PRKD1: variants seen among roughly 807,000 people sequenced by gnomAD.
The protein encoded by PRKD1 is serine/threonine-protein kinase D1.
PRKD1 carries 63 observed loss-of-function variants against 95.9 expected under a neutral mutation model. That is an observed-to-expected ratio of 0.66 (90% CI 0.54 to 0.81). PRKD1 has a LOEUF of 0.81. Ranked by LOEUF, PRKD1 falls within the 30% of genes least tolerant of loss-of-function variation. The pLI is 0.00. For missense variants in PRKD1, 1,048 were observed against 1,165.3 expected, an observed-to-expected ratio of 0.90 and a Z score of 1.47; for synonymous variants, 425 against 423.1, an observed-to-expected ratio of 1.00 and a Z score of -0.05.
intron 1 of PRKD1, among the ~76,000 whole-genome samples, chr14:29,772,109 GC>G (rs1038414885): frequency 9.2e-5 from 14 of 152,192 alleles, no homozygotes; most frequent in African/African-American, 4.8e-5. Flanking sequence ...GTGAGTTAAT[GC>G]TTAAACAAGG....
intron 1 of PRKD1, among the ~76,000 whole-genome samples, chr14:29,766,593 A>C (rs1176817723): frequency 2.0e-5 from 3 of 152,196 alleles, no homozygotes; most frequent in Admixed American, 1.3e-4. Context: ...TCAGCAGCAG[A>C]AGAAGCACTA....
chr14:29,592,247 A>G (rs778755733), intron 16 of PRKD1, among the ~76,000 whole-genome samples: 1 of 151,690 alleles, frequency 6.6e-6, no homozygotes, highest in Non-Finnish European at 1.5e-5. Flanking sequence ...GGTAGAACAT[A>G]CAACACTGCC....
chr14:29,783,651 G>T (rs188539986), intron 1 of PRKD1, among the ~76,000 whole-genome samples: 2 of 151,948 alleles, frequency 1.3e-5, no homozygotes, highest in East Asian at 3.9e-4. Flanking sequence ...CCATTTCCTT[G>T]CCAGCACGCT....
At chr14:29,863,006 G>A (rs1892763062) in intron 1 of PRKD1, among the ~76,000 whole-genome samples, 1 of 152,058 alleles carries the variant, frequency 6.6e-6, no homozygotes, top group African/African-American at 2.4e-5. Flanking sequence ...AATTAGCTTT[G>A]ACTTTGATAA....
intron 2 of PRKD1, among the ~76,000 whole-genome samples, chr14:29,675,780 C>T (rs1883131224): frequency 6.6e-6 from 1 of 151,946 alleles, no homozygotes; most frequent in African/African-American, 2.4e-5. Context: ...ACATATACAC[C>T]ATGGAATACT....
At chr14:29,752,666 C>T (rs1388927286) in intron 1 of PRKD1, among the ~76,000 whole-genome samples, 1 of 151,800 alleles carries the variant, frequency 6.6e-6, no homozygotes, top group African/African-American at 2.4e-5. Flanking sequence ...TTTTTAAGAA[C>T]CCATGAGGGC....
rs45445896 is a variant in PRKD1 at position 29,722,367 on chromosome 14, C to G, written c.403+3169G>C. 9.5e-3 allele frequency among the ~76,000 whole-genome samples: 1,454 copies of G among 152,274 alleles called. 29 individuals carry two copies. The highest frequency in any genetic ancestry group is 0.038 in the East Asian group (195 of 5,172). On this transcript the variant is annotated intron_variant, in intron 2 of 17. Transcript: ENST00000331968. ...CATATGGCCTGAAGTGTCCTTGCTGCTATCACTCGCCTTGCCACAAATTAT... is the reference window on the plus strand; with the variant it reads ...CATATGGCCTGAAGTGTCCTTGCTGGTATCACTCGCCTTGCCACAAATTAT...
intron 4 of PRKD1, among the ~76,000 whole-genome samples, chr14:29,645,042 G>A (rs943166645): frequency 2.6e-5 from 4 of 152,102 alleles, no homozygotes; most frequent in Non-Finnish European, 2.9e-5. Context: ...GCAGAACTAC[G>A]AATTCAGGTA....
chr14:29,694,838 T>C (rs903560137), intron 2 of PRKD1, among the ~76,000 whole-genome samples: 15 of 152,066 alleles, frequency 9.9e-5, no homozygotes, highest in Non-Finnish European at 1.8e-4. Flanking sequence ...GTAAGGGGAA[T>C]AGCATGCACA....
rs45618135 is a variant in PRKD1 at position 29,794,510 on chromosome 14, CAT to C, written c.265-68838_265-68837del. Among the ~76,000 whole-genome samples the C allele has an allele frequency of 4.0e-3, 609 of 152,040 alleles. 5 individuals carry two copies. The highest frequency in any genetic ancestry group is 0.014 in the African/African-American group (564 of 41,500). On this transcript the variant is annotated intron_variant, in intron 1 of 17. Transcript: ENST00000331968. ...CAGTGATTTACTTATTTATTTAAAA[CAT>C]AGATTTTCATCAGGCTATACTGTAC... is the stretch of plus-strand genomic sequence containing the variant.
chr14:29,886,932 G>C (rs1322767492), intron 1 of PRKD1, among the ~76,000 whole-genome samples: 1 of 152,136 alleles, frequency 6.6e-6, no homozygotes, highest in Non-Finnish European at 1.5e-5. Context: ...TTGATGGTAG[G>C]TGCTGTCATT....
At chr14:29,731,499 CTGTT>C (rs1446898023) in intron 1 of PRKD1, among the ~76,000 whole-genome samples, 1 of 152,072 alleles carries the variant, frequency 6.6e-6, no homozygotes, top group Non-Finnish European at 1.5e-5. Flanking sequence ...TAATAATTTT[CTGTT>C]TGTTCTATAA....
chr14:29,908,892 G>A (rs557291031), intron 1 of PRKD1, among the ~76,000 whole-genome samples: 1 of 152,274 alleles, frequency 6.6e-6, no homozygotes, highest in Non-Finnish European at 1.5e-5. Context: ...ACCCACTCTG[G>A]CCACGCTTGA....
rs370306914 is a variant in PRKD1, at chr14:29,888,425, A to T, written c.264+38824T>A. Among the ~76,000 whole-genome samples, 5 of 152,210 alleles carry T rather than the reference A, an allele frequency of 3.3e-5. No homozygotes were observed. In the East Asian group the frequency reaches 5.8e-4, roughly 18 times the overall value. On this transcript the variant is annotated intron_variant, in intron 1 of 17. Coordinates refer to ENST00000331968, the MANE Select transcript of PRKD1 (RefSeq NM_002742.3). ...GAAATGCAAGAAGGCCTATAGAAAG[A>T]CATACCAACTTGTATACGGAATGGC... is the stretch of plus-strand genomic sequence containing the variant.
At chr14:29,708,502 C>T (rs1333685109) in intron 2 of PRKD1, among the ~76,000 whole-genome samples, 1 of 152,072 alleles carries the variant, frequency 6.6e-6, no homozygotes, top group African/African-American at 2.4e-5. Context: ...TTCGTTCTTA[C>T]TAATTAGTCT....
chr14:29,841,042 C>A (rs941307594), intron 1 of PRKD1, among the ~76,000 whole-genome samples: 1 of 152,230 alleles, frequency 6.6e-6, no homozygotes, highest in African/African-American at 2.4e-5. Context: ...GACTGCCCTG[C>A]TGGATTCTGG....
At position 29,871,205 on chromosome 14, in the gene PRKD1, T is replaced by A. The variant is rs552123329; in HGVS notation, c.264+56044A>T. Among the ~76,000 whole-genome samples, 5 of 152,288 alleles carry A rather than the reference T, an allele frequency of 3.3e-5. 1 individual carries two copies. The highest frequency in any genetic ancestry group is 1.2e-4 in the African/African-American group (5 of 41,564). On this transcript the variant is annotated intron_variant, in intron 1 of 17. Coordinates refer to ENST00000331968, the MANE Select transcript of PRKD1 (RefSeq NM_002742.3). ...GGTAAGTGTGAGCAACAATTGGAAATGACATTTAATCTGGGTATGGAATAC... is the reference window on the plus strand; with the variant it reads ...GGTAAGTGTGAGCAACAATTGGAAAAGACATTTAATCTGGGTATGGAATAC...
At chr14:29,627,709 C>T (rs1016941420) in intron 11 of PRKD1, among the ~76,000 whole-genome samples, 80 of 151,700 alleles carry the variant, frequency 5.3e-4, no homozygotes, top group Non-Finnish European at 9.4e-4. Context: ...TAAAAAGAAG[C>T]CCTTTAATAT....
chr14:29,733,846 T>C (rs1886577679), intron 1 of PRKD1, among the ~76,000 whole-genome samples: 1 of 152,010 alleles, frequency 6.6e-6, no homozygotes, highest in African/African-American at 2.4e-5. Context: ...ATATAAATAT[T>C]ATATTTTTCA....
Sources: gnomAD v4.1 joint callset for allele counts (sites outside exome capture counted in the v4.1 genomes callset) on GRCh38, gnomAD v4.1.1 for gene constraint, MANE v1.5 for transcripts, NCBI Gene and HGNC (gene_info 2026-07-23, HGNC 2026-07-21) for gene names.